CACHD1: variants seen among roughly 807,000 people sequenced by gnomAD.
The protein encoded by CACHD1 is cache domain containing 1.
Under a neutral mutation model 138.7 loss-of-function variants are expected in CACHD1, and 71 were observed. The observed-to-expected ratio is 0.51, with a 90% CI of 0.42 to 0.62. The LOEUF is 0.62. Ranked by LOEUF, CACHD1 falls within the 20% of genes least tolerant of loss-of-function variation. The pLI is 0.00. For synonymous variants in CACHD1, 578 were observed against 591.5 expected, an observed-to-expected ratio of 0.98 and a Z score of 0.33; for missense variants, 1,389 against 1,625.3, an observed-to-expected ratio of 0.85 and a Z score of 2.50.
At chr1:64,521,221 T>A (rs2100375291) in intron 1 of CACHD1, among the ~76,000 whole-genome samples, 1 of 152,306 alleles carries the variant, frequency 6.6e-6, no homozygotes, top group South Asian at 2.1e-4. Context: ...CTAGCTGTCA[T>A]CTGGGGGTTG....
At chr1:64,584,631 A>C (rs1351617387) in intron 3 of CACHD1, among the ~76,000 whole-genome samples, 1 of 152,018 alleles carries the variant, frequency 6.6e-6, no homozygotes, top group Non-Finnish European at 1.5e-5. Flanking sequence ...ATACATCTCT[A>C]TATAGTGTAG....
intron 17 of CACHD1, 149 bp downstream of exon 17, chr1:64,671,835 T>G: frequency 2.1e-6 from 2 of 951,316 alleles, no homozygotes; most frequent in Non-Finnish European, 3.2e-6. Context: ...GTTTTTGTTC[T>G]TTTTCTCTTC....
At chr1:64,501,670 G>A (rs1035107288) in intron 1 of CACHD1, among the ~76,000 whole-genome samples, 1 of 152,298 alleles carries the variant, frequency 6.6e-6, no homozygotes, top group East Asian at 1.9e-4. Flanking sequence ...CATAGTAAGT[G>A]TAATACAAAC....
chr1:64,658,637 T>C, intron 12 of CACHD1, 68 bp from the exon 13 acceptor site: 1 of 1,162,860 alleles, frequency 8.6e-7, no homozygotes, highest in Non-Finnish European at 1.2e-6. Flanking sequence ...GAAAATAATG[T>C]ATGCAAAGTC....
chr1:64,500,735 AGAGAG>A (rs1255261430), intron 1 of CACHD1, among the ~76,000 whole-genome samples: 355 of 6,426 alleles, frequency 0.055, 1 homozygote, highest in African/African-American at 0.081. Context: ...AAAAAAAAAA[AGAGAG>A]AGAGAGAGAG....
chr1:64,500,631 T>C (rs1305728652), intron 1 of CACHD1, among the ~76,000 whole-genome samples: 2 of 148,564 alleles, frequency 1.3e-5, no homozygotes, highest in Non-Finnish European at 3.0e-5. Context: ...GGCGGGAGGA[T>C]CCCTTAAAGC....
chr1:64,546,956 A>T (rs562339858), intron 1 of CACHD1, among the ~76,000 whole-genome samples: 3 of 152,326 alleles, frequency 2.0e-5, no homozygotes, highest in African/African-American at 7.2e-5. Flanking sequence ...CCTACATGCA[A>T]GTATTAGGAT....
chr1:64,543,866 C>CTTTTTTTTTT (rs370129207), intron 1 of CACHD1, among the ~76,000 whole-genome samples: 3 of 77,514 alleles, frequency 3.9e-5, no homozygotes, highest in Non-Finnish European at 7.0e-5. Flanking sequence ...CTTTTCAGTG[C>CTTTTTTTTTT]TTTTTTTTTT....
intron 3 of CACHD1, among the ~76,000 whole-genome samples, chr1:64,598,077 C>T (rs1647172185): frequency 6.6e-6 from 1 of 152,164 alleles, no homozygotes; most frequent in Non-Finnish European, 1.5e-5. Flanking sequence ...ACAAGGATGG[C>T]TGAGCATGTT....
intron 1 of CACHD1, among the ~76,000 whole-genome samples, chr1:64,491,945 G>GTTTT (rs11445405): frequency 6.8e-6 from 1 of 147,302 alleles, no homozygotes; most frequent in African/African-American, 2.5e-5. Flanking sequence ...TTTGTTTTTT[G>GTTTT]TTTTTTTTTT....
At chr1:64,676,028 A>AC in intron 21 of CACHD1, 45 bp downstream of exon 21, 4 of 517,134 alleles carry the variant, frequency 7.7e-6, no homozygotes, top group Non-Finnish European at 1.1e-5. Flanking sequence ...TAATAATAAT[A>AC]ATAATAATAA....
Position 64,652,228 on chromosome 1 carries a change from C to T in CACHD1, c.1458C>T (p.Asp486=), listed in dbSNP as rs751612651. The T allele has an allele frequency of 1.9e-5, 30 of 1,613,600 alleles. No homozygotes were observed. The highest frequency in any genetic ancestry group is 1.6e-4 in the South Asian group (15 of 91,042). ...TACTTCTGGGAATTGTAGGTGTGGA[C>T]GTGAATCTGGCTTACATTCTTGAAG... ...GNLLLGIVGV[D]VNLAYILEDV... The change falls in exon 10 of 27, where the codon GAC becomes GAT. Residue 486 remains aspartate (D), a synonymous_variant. Transcript: ENST00000651257.
chr1:64,475,984 G>A (rs900650641), intron 1 of CACHD1, among the ~76,000 whole-genome samples: 1 of 152,184 alleles, frequency 6.6e-6, no homozygotes, highest in Non-Finnish European at 1.5e-5. Context: ...GAGAGAAACA[G>A]GATATTATGG....
At chr1:64,546,457 C>T (rs953084417) in intron 1 of CACHD1, among the ~76,000 whole-genome samples, 2 of 152,050 alleles carry the variant, frequency 1.3e-5, no homozygotes, top group African/African-American at 4.8e-5. Flanking sequence ...ACCTCTGCCT[C>T]CTGAGTAGCT....
intron 7 of CACHD1, among the ~76,000 whole-genome samples, chr1:64,636,161 A>G (rs979962022): frequency 6.6e-6 from 1 of 152,140 alleles, no homozygotes; most frequent in Admixed American, 6.5e-5. Flanking sequence ...GAAAATATTA[A>G]TGTATCCTAT....
At chr1:64,619,846 C>T (rs1647848017) in intron 4 of CACHD1, among the ~76,000 whole-genome samples, 1 of 152,128 alleles carries the variant, frequency 6.6e-6, no homozygotes, top group Admixed American at 6.6e-5. Flanking sequence ...GAATTTGCCT[C>T]CTCTAGTTAT....
At chr1:64,535,327 G>GTTTTT (rs3078381) in intron 1 of CACHD1, among the ~76,000 whole-genome samples, 3 of 136,642 alleles carry the variant, frequency 2.2e-5, no homozygotes, top group African/African-American at 5.4e-5. Flanking sequence ...AATTTGGAGG[G>GTTTTT]TTTTTTTTTT....
At position 64,658,782 on chromosome 1, in the gene CACHD1, C is replaced by T. The variant is rs1381143304; in HGVS notation, c.1860C>T (p.Asn620=). 6.2e-7 allele frequency: 1 copy of T among 1,608,388 alleles called. No homozygotes were observed. The highest frequency in any genetic ancestry group is 8.5e-7 in the Non-Finnish European group (1 of 1,176,662). Residue 620 remains asparagine, a synonymous_variant, in exon 13 of 27, where the codon AAC becomes AAT. Transcript: ENST00000651257. ...CTGTGAAACAACTGAAGAACCTCAA[C>T]ACTGTTCCCAGCAGCAAGCTGCTGT... is the stretch of plus-strand genomic sequence containing the variant. ...EIPVKQLKNL[N]TVPSSKLLYH...
chr1:64,495,473 T>A (rs1646300640), intron 1 of CACHD1, among the ~76,000 whole-genome samples: 1 of 152,172 alleles, frequency 6.6e-6, no homozygotes, highest in Non-Finnish European at 1.5e-5. Flanking sequence ...CATCTCTTCT[T>A]ATGTACTTGA....
Sources: allele counts gnomAD v4.1 joint callset (sites outside exome capture counted in the v4.1 genomes callset), GRCh38; gene constraint gnomAD v4.1.1; transcripts MANE v1.5; gene names NCBI Gene and HGNC (gene_info 2026-07-23, HGNC 2026-07-21).